The following PTPN12 variants were observed in gnomAD, a reference collection of about 807,000 sequenced individuals.
The protein encoded by PTPN12 is protein tyrosine phosphatase non-receptor type 12, also known as tyrosine-protein phosphatase non-receptor type 12.
Under a neutral mutation model 97.6 loss-of-function variants are expected in PTPN12, and 29 were observed. The observed-to-expected ratio is 0.30, with a 90% CI of 0.22 to 0.41. The LOEUF is 0.41. PTPN12 is among the 10% of genes least tolerant of loss of function. The pLI is 1.00. For missense variants in PTPN12, 819 were observed against 926.0 expected (o/e 0.88, Z 1.50); for synonymous variants, 327 against 300.4 (o/e 1.09, Z -0.91).
At chr7:77,604,907 G>A (rs777856349) in intron 8 of PTPN12, 48 of 426,436 alleles carry the variant, frequency 1.1e-4, no homozygotes, top group South Asian at 5.1e-5. Flanking sequence ...CTTACTGAAC[G>A]GTCTGATCTC....
chr7:77,558,486 TAGTA>T (rs1807831748), intron 1 of PTPN12, among the ~76,000 whole-genome samples: 1 of 152,198 alleles, frequency 6.6e-6, no homozygotes, highest in Non-Finnish European at 1.5e-5. Flanking sequence ...AAATAGCTAT[TAGTA>T]AGGAGACTTT....
At chr7:77,632,507 C>T (rs1789433709) in intron 14 of PTPN12, 82 bp downstream of exon 14, 6 of 1,006,220 alleles carry the variant, frequency 6.0e-6, no homozygotes, top group Non-Finnish European at 7.8e-6. Flanking sequence ...AATCTATTAG[C>T]TATTGTGCTA....
chr7:77,597,758 CT>C (rs1282123777), intron 6 of PTPN12, 83 bp from the exon 7 acceptor site: 27 of 1,455,236 alleles, frequency 1.9e-5, no homozygotes, highest in Admixed American at 2.5e-5. Context: ...ATATTGTGGA[CT>C]TTGATACAAG....
chr7:77,610,789 T>C lies in PTPN12; in HGVS notation c.787T>C (p.Phe263Leu). The change falls in exon 10 of 18, where the codon TTT (phenylalanine) becomes CTT (leucine). Residue 263 changes from phenylalanine to leucine, a missense_variant. Around this residue, in one of 5 missense-constraint regions of PTPN12, gnomAD observed 42 missense variants for 120.9 expected, o/e 0.35. Coordinates refer to ENST00000248594, the MANE Select transcript of PTPN12 (RefSeq NM_002835.4). The part of the protein sequence containing the change: ...AGKIPEEFNV[F>L]NLIQEMRTQR... Reference sequence around the variant, plus strand: ...GAAAATACCAGAGGAATTTAATGTATTTAATTTAATACAAGAAATGAGAAC... The same window carrying C: ...GAAAATACCAGAGGAATTTAATGTACTTAATTTAATACAAGAAATGAGAAC... The C allele has an allele frequency of 6.2e-7, 1 of 1,607,078 alleles. No individual in the cohort carries two copies. Among genetic ancestry groups the C allele is most frequent in the Non-Finnish European group, 8.5e-7 (1 of 1,178,206 alleles).
chr7:77,598,883 G>T (rs1056048061), intron 7 of PTPN12, among the ~76,000 whole-genome samples: 1 of 150,342 alleles, frequency 6.7e-6, no homozygotes, highest in African/African-American at 2.4e-5. Flanking sequence ...AAAAGTAACA[G>T]CAATTTTTAT....
At chr7:77,543,315 G>A (rs1478931322) in intron 1 of PTPN12, among the ~76,000 whole-genome samples, 2 of 149,314 alleles carry the variant, frequency 1.3e-5, no homozygotes, top group Non-Finnish European at 3.0e-5. Flanking sequence ...AGGAAGATTG[G>A]TTGAAGGAGA....
chr7:77,581,975 A>G (rs1208438853), intron 3 of PTPN12, among the ~76,000 whole-genome samples: 1 of 152,090 alleles, frequency 6.6e-6, no homozygotes, highest in East Asian at 1.9e-4. Flanking sequence ...CTTTAAATGT[A>G]AAACTTTTGG....
intron 9 of PTPN12, among the ~76,000 whole-genome samples, chr7:77,609,755 C>T (rs1031588982): frequency 6.6e-6 from 1 of 151,404 alleles, no homozygotes; most frequent in Non-Finnish European, 1.5e-5. Context: ...GTGGCGGGGG[C>T]CTGTAGTCCC....
At chr7:77,564,761 T>TTTTG (rs1562715196) in intron 1 of PTPN12, among the ~76,000 whole-genome samples, 11 of 103,076 alleles carry the variant, frequency 1.1e-4, no homozygotes, top group Non-Finnish European at 2.0e-4. Context: ...TTTTTTTTTT[T>TTTTG]TTTTTTTTTT....
intron 2 of PTPN12, among the ~76,000 whole-genome samples, chr7:77,575,648 A>G (rs1173934665): frequency 6.6e-6 from 1 of 152,174 alleles, no homozygotes; most frequent in Non-Finnish European, 1.5e-5. Flanking sequence ...TAATTGTGCA[A>G]TTCAATGATT....
chr7:77,537,870 C>T (rs1562696798), intron 1 of PTPN12, among the ~76,000 whole-genome samples: 2 of 151,852 alleles, frequency 1.3e-5, no homozygotes, highest in East Asian at 3.9e-4. Context: ...GCGCGGGTTC[C>T]CGGGACGCGA....
At chr7:77,541,309 C>T (rs1806963269) in intron 1 of PTPN12, among the ~76,000 whole-genome samples, 1 of 152,202 alleles carries the variant, frequency 6.6e-6, no homozygotes, top group African/African-American at 2.4e-5. Context: ...CCAGGCTGGT[C>T]TCAAACTCCT....
At chr7:77,624,831 A>G (rs1408204344) in intron 12 of PTPN12, among the ~76,000 whole-genome samples, 1 of 151,576 alleles carries the variant, frequency 6.6e-6, no homozygotes, top group Non-Finnish European at 1.5e-5. Flanking sequence ...CTGGGGGGAG[A>G]AAAAAAAGCA....
chr7:77,627,226 A>G lies in PTPN12; in HGVS notation c.1547A>G (p.Asn516Ser). 1 of 1,614,150 alleles carries G rather than the reference A, an allele frequency of 6.2e-7. No homozygotes were observed. The highest frequency in any genetic ancestry group is 8.5e-7 in the Non-Finnish European group (1 of 1,179,986). The change falls in exon 13 of 18, where the codon AAT becomes AGT. Residue 516 changes from asparagine to serine, a missense_variant. Physicochemically the swap from Asn to Ser is conservative, Grantham distance 46. Transcript: ENST00000248594. The part of the protein sequence containing the change: ...VSVTPPEESQ[N>S]SDTPPRPDRL... ...GTTACTCCACCAGAAGAATCCCAGA[A>G]TTCAGACACACCTCCAAGGCCAGAC...
intron 14 of PTPN12, among the ~76,000 whole-genome samples, chr7:77,635,002 C>T (rs542273686): frequency 2.0e-5 from 3 of 152,172 alleles, no homozygotes; most frequent in Admixed American, 1.3e-4. Context: ...AGGCATACAC[C>T]GTCACTCCCA....
intron 12 of PTPN12, among the ~76,000 whole-genome samples, chr7:77,619,301 T>C (rs1411216973): frequency 6.6e-6 from 1 of 152,220 alleles, no homozygotes; most frequent in Non-Finnish European, 1.5e-5. Context: ...TTATACAGGA[T>C]ACACCAATTG....
At chr7:77,582,654 C>T (rs891177165) in intron 3 of PTPN12, among the ~76,000 whole-genome samples, 5 of 151,662 alleles carry the variant, frequency 3.3e-5, no homozygotes, top group Non-Finnish European at 7.4e-5. Flanking sequence ...CATGGTGGTG[C>T]ATGCCTGTAA....
intron 8 of PTPN12, among the ~76,000 whole-genome samples, chr7:77,603,882 GC>G (rs1788265387): frequency 9.8e-6 from 1 of 101,788 alleles, no homozygotes; most frequent in East Asian, 2.4e-4. Flanking sequence ...CTTTTTGTTT[GC>G]TTTTTTTTTT....
At chr7:77,616,697 T>G (rs1294028283) in intron 11 of PTPN12, among the ~76,000 whole-genome samples, 1 of 152,224 alleles carries the variant, frequency 6.6e-6, no homozygotes, top group Non-Finnish European at 1.5e-5. Context: ...TAATGCACAT[T>G]TTGGTACAAA....
Sources: allele counts gnomAD v4.1 joint callset (sites outside exome capture counted in the v4.1 genomes callset), GRCh38; gene constraint gnomAD v4.1.1; regional missense constraint gnomAD v4.1.1; transcripts MANE v1.5; gene names NCBI Gene and HGNC (gene_info 2026-07-23, HGNC 2026-07-21).